The following FILIP1 variants were observed in gnomAD, a reference collection of about 807,000 sequenced individuals.
FILIP1 encodes filamin A interacting protein 1, also known as filamin-A-interacting protein 1.
A neutral mutation model predicts 102.1 loss-of-function variants in FILIP1; 61 were observed. That is an observed-to-expected ratio of 0.60 (90% CI 0.49 to 0.74). FILIP1 has a LOEUF of 0.74. Ranked by LOEUF, FILIP1 falls within the 30% of genes least tolerant of loss-of-function variation. The probability of loss-of-function intolerance (pLI) is 0.00; values close to 1 mark genes in which losing one functional copy is unlikely to be tolerated. For synonymous variants in FILIP1, 491 were observed against 526.9 expected (o/e 0.93, Z 0.93); for missense variants, 1,314 against 1,441.2 (o/e 0.91, Z 1.43).
At chr6:75,296,717 C>T (rs1441963664) in intron 6 of FILIP1, 2 of 151,392 alleles carry the variant, frequency 1.3e-5, no homozygotes, top group Non-Finnish European at 2.9e-5. Flanking sequence ...CCAGGATGGT[C>T]TCGATCTCCT....
chr6:75,312,715 G>A lies in FILIP1; in HGVS notation c.3117C>T (p.Val1039=), dbSNP rs1305435335. 1 of 1,614,078 alleles carries A rather than the reference G, an allele frequency of 6.2e-7. No homozygotes were observed. Among genetic ancestry groups the A allele is most frequent in the Non-Finnish European group, 8.5e-7 (1 of 1,180,052 alleles). ...TTGGAACAGTCTGTTTTTCTGGGGT[G>A]ACTTTGAGGATTGTCCGTCCCATGG... ...EMPMGRTILK[V]TPEKQTVPTP... Residue 1039 remains valine (V), a synonymous_variant, in exon 5 of 6, where the codon GTC becomes GTT. Coordinates refer to ENST00000237172, the MANE Select transcript of FILIP1 (RefSeq NM_015687.5).
At chr6:75,365,405 C>T (rs1775296274) in intron 2 of FILIP1, among the ~76,000 whole-genome samples, 1 of 152,116 alleles carries the variant, frequency 6.6e-6, no homozygotes, top group Non-Finnish European at 1.5e-5. Flanking sequence ...GAGTCTCAGT[C>T]TGTCAACCAG....
At chr6:75,378,348 T>C (rs1775807675) in intron 2 of FILIP1, among the ~76,000 whole-genome samples, 1 of 152,026 alleles carries the variant, frequency 6.6e-6, no homozygotes, top group African/African-American at 2.4e-5. Context: ...TGGCACTAAA[T>C]AGATAGCAAA....
intron 2 of FILIP1, among the ~76,000 whole-genome samples, chr6:75,372,742 GAA>G (rs1775606109): frequency 2.1e-5 from 1 of 48,490 alleles, no homozygotes; most frequent in African/African-American, 1.0e-4. Flanking sequence ...AAGAAAGAAA[GAA>G]AGAAAGAAAG....
Position 75,338,512 on chromosome 6 carries a change from G to T in FILIP1, c.629+15027C>A, listed in dbSNP as rs550559139. Among the ~76,000 whole-genome samples, 9 of 152,238 alleles carry T rather than the reference G, an allele frequency of 5.9e-5. No individual in the cohort carries two copies. The East Asian group carries it at 1.5e-3, about 26-fold the overall frequency. Reference sequence around the variant, plus strand: ...TTTCAGCCTCCTCTCTGGAGTCCAAGATTTGTAATGCTAATCCGACTACCT... The same window carrying T: ...TTTCAGCCTCCTCTCTGGAGTCCAATATTTGTAATGCTAATCCGACTACCT... On this transcript the variant is annotated intron_variant, in intron 4 of 5. Coordinates refer to ENST00000237172, the MANE Select transcript of FILIP1 (RefSeq NM_015687.5).
chr6:75,480,301 G>GTATTAAAAATGTACACCATTTTTATAT (rs1554217894), intron 1 of FILIP1, among the ~76,000 whole-genome samples: 1 of 151,314 alleles, frequency 6.6e-6, no homozygotes, highest in Non-Finnish European at 1.5e-5. Flanking sequence ...CATTTTTATA[G>GTATTAAAAATGTACACCATTTTTATAT]GTATATACTT....
chr6:75,337,335 G>A (rs1028112785), intron 4 of FILIP1, among the ~76,000 whole-genome samples: 2 of 152,148 alleles, frequency 1.3e-5, no homozygotes, highest in African/African-American at 4.8e-5. Flanking sequence ...TGGTTGCCAT[G>A]AAGCATCATG....
Position 75,395,977 on chromosome 6 carries a change from A to G in FILIP1, c.276+18720T>C, listed in dbSNP as rs375287374. ...GATGTGGAAACAACATAAAAAAATA[A>G]AGTAGGACAAAAATCAATGAAGAGA... On this transcript the variant is annotated intron_variant, in intron 2 of 5. Coordinates refer to ENST00000237172, the MANE Select transcript of FILIP1 (RefSeq NM_015687.5). Among the ~76,000 whole-genome samples, 5 of 152,194 alleles carry G rather than the reference A, an allele frequency of 3.3e-5. No homozygotes were observed. The East Asian group carries it at 5.8e-4, about 18-fold the overall frequency.
chr6:75,362,909 T>G lies in FILIP1; in HGVS notation c.285A>C (p.Glu95Asp). 1.2e-6 allele frequency: 2 copies of G among 1,613,858 alleles called. No homozygotes were observed. The highest frequency in any genetic ancestry group is 2.2e-5 in the East Asian group (1 of 44,884). Reference sequence around the variant, plus strand: ...CTGTCTTCAGCATGTGGATCACATCTTCTCTGGCCTGTAATAGAAAGTGCA... The same window carrying G: ...CTGTCTTCAGCATGTGGATCACATCGTCTCTGGCCTGTAATAGAAAGTGCA... ...SIMEGELQAR[E>D]DVIHMLKTEK... Residue 95 changes from glutamate to aspartate, a missense_variant, in exon 3 of 6, where the codon GAA becomes GAC. This residue lies in a region of FILIP1 where 494 missense variants were observed against 511.2 expected (regional missense o/e 0.97). Coordinates refer to ENST00000237172, the MANE Select transcript of FILIP1 (RefSeq NM_015687.5).
chr6:75,310,511 A>G (rs1416241238), intron 5 of FILIP1, among the ~76,000 whole-genome samples: 12 of 152,362 alleles, frequency 7.9e-5, no homozygotes. Context: ...GAGATCTGAT[A>G]TACTTAAAAT....
At chr6:75,489,408 C>T (rs1779891726) in intron 1 of FILIP1, among the ~76,000 whole-genome samples, 1 of 152,064 alleles carries the variant, frequency 6.6e-6, no homozygotes, top group Non-Finnish European at 1.5e-5. Flanking sequence ...TTCCTATAAT[C>T]TATGAAGTTG....
chr6:75,383,115 G>A (rs544209467), intron 2 of FILIP1, among the ~76,000 whole-genome samples: 1 of 152,256 alleles, frequency 6.6e-6, no homozygotes, highest in South Asian at 2.1e-4. Flanking sequence ...CTGGAGCTCT[G>A]TGGGGAATGA....
At chr6:75,301,566 C>T (rs1334268621) in intron 6 of FILIP1, among the ~76,000 whole-genome samples, 1 of 152,084 alleles carries the variant, frequency 6.6e-6, no homozygotes, top group Non-Finnish European at 1.5e-5. Context: ...GTAGCATTAG[C>T]AGAAGTAGAG....
intron 2 of FILIP1, among the ~76,000 whole-genome samples, chr6:75,378,881 C>T (rs113955749): frequency 0.013 from 1,937 of 152,084 alleles, 22 homozygotes; most frequent in Non-Finnish European, 0.017. Context: ...GAAATTGGTA[C>T]CAAAATAAGG....
At chr6:75,437,501 G>A (rs1450395075) in intron 1 of FILIP1, among the ~76,000 whole-genome samples, 1 of 152,180 alleles carries the variant, frequency 6.6e-6, no homozygotes, top group Non-Finnish European at 1.5e-5. Context: ...TGCCTCATGG[G>A]AGAGCCTGAG....
At chr6:75,434,294 C>T (rs1032860001) in intron 1 of FILIP1, among the ~76,000 whole-genome samples, 1 of 152,168 alleles carries the variant, frequency 6.6e-6, no homozygotes, top group African/African-American at 2.4e-5. Context: ...TGGCCATTTT[C>T]AAAATATTGA....
chr6:75,352,522 G>A (rs2951934), intron 4 of FILIP1, among the ~76,000 whole-genome samples: 111,463 of 152,036 alleles, frequency 0.73, 41,288 homozygotes, highest in African/African-American at 0.84. Context: ...AAGACTAAAT[G>A]AAAACCTACA....
chr6:75,395,779 A>G (rs1183399003), intron 2 of FILIP1, among the ~76,000 whole-genome samples: 1 of 152,170 alleles, frequency 6.6e-6, no homozygotes, highest in Non-Finnish European at 1.5e-5. Context: ...ACTTTATCAA[A>G]AAATAAAAGT....
chr6:75,331,718 G>A (rs1166019818), intron 4 of FILIP1, among the ~76,000 whole-genome samples: 3 of 152,082 alleles, frequency 2.0e-5, no homozygotes, highest in Non-Finnish European at 4.4e-5. Flanking sequence ...GCCATGCTGC[G>A]ACTCTATTTC....
Sources: gnomAD v4.1 joint callset for allele counts (sites outside exome capture counted in the v4.1 genomes callset) on GRCh38, gnomAD v4.1.1 for gene constraint, gnomAD v4.1.1 regional missense constraint, MANE v1.5 for transcripts, NCBI Gene and HGNC (gene_info 2026-07-23, HGNC 2026-07-21) for gene names.